Variants in STK32A observed in about 807,000 individuals in gnomAD.
The protein encoded by STK32A is serine/threonine kinase 32A.
A neutral mutation model predicts 53.2 loss-of-function variants in STK32A; 41 were observed. The observed-to-expected ratio is 0.77, with a 90% CI of 0.60 to 1.00. The LOEUF is 1.00. Ranked by LOEUF, STK32A falls within the 50% of genes least tolerant of loss-of-function variation. The pLI is 0.00. For missense variants in STK32A, 458 were observed against 485.8 expected (o/e 0.94, Z 0.54); for synonymous variants, 166 against 162.8 (o/e 1.02, Z -0.15).
intron 5 of STK32A, among the ~76,000 whole-genome samples, chr5:147,341,921 T>C (rs1755434675): frequency 6.6e-6 from 1 of 152,144 alleles, no homozygotes; most frequent in Non-Finnish European, 1.5e-5. Flanking sequence ...CTTCTTCCAA[T>C]GAAGGGAGTA....
At chr5:147,312,344 T>G (rs1394279813) in intron 4 of STK32A, among the ~76,000 whole-genome samples, 1 of 152,134 alleles carries the variant, frequency 6.6e-6, no homozygotes, top group Non-Finnish European at 1.5e-5. Flanking sequence ...TCTCAGGTGA[T>G]CCACCCACCT....
At chr5:147,237,079 G>A (rs111773879) in intron 1 of STK32A, among the ~76,000 whole-genome samples, 11,107 of 152,152 alleles carry the variant, frequency 0.073, 560 homozygotes, top group African/African-American at 0.14. Flanking sequence ...TTGGGAGGCC[G>A]AGGTGGGTGC....
intron 8 of STK32A, among the ~76,000 whole-genome samples, chr5:147,361,883 A>G (rs1183471582): frequency 3.9e-5 from 6 of 152,250 alleles, no homozygotes; most frequent in African/African-American, 1.2e-4. Flanking sequence ...GGGGAAATCA[A>G]TACACCTCAC....
At chr5:147,331,824 G>T (rs141554427) in intron 5 of STK32A, among the ~76,000 whole-genome samples, 4 of 152,268 alleles carry the variant, frequency 2.6e-5, no homozygotes, top group Non-Finnish European at 5.9e-5. Flanking sequence ...GGATTGATGT[G>T]ATGGGTCCAC....
At chr5:147,263,678 GCAAA>G (rs1294635529) in intron 2 of STK32A, among the ~76,000 whole-genome samples, 2 of 151,946 alleles carry the variant, frequency 1.3e-5, no homozygotes, top group Non-Finnish European at 1.5e-5. Flanking sequence ...AGAATAATGA[GCAAA>G]CAAAGATATA....
At chr5:147,359,960 C>T (rs754415297) in intron 7 of STK32A, among the ~76,000 whole-genome samples, 1 of 152,126 alleles carries the variant, frequency 6.6e-6, no homozygotes, top group Non-Finnish European at 1.5e-5. Context: ...CCATGTCATA[C>T]CAGTTTCCTT....
chr5:147,398,977 G>A, the STK32A span: 11 of 1,437,098 alleles, frequency 7.7e-6, no homozygotes, highest in East Asian at 6.9e-5. Context: ...ATTGCAACCC[G>A]TCCTAGTCTA....
intron 4 of STK32A, among the ~76,000 whole-genome samples, chr5:147,308,457 A>G (rs1753530479): frequency 6.6e-6 from 1 of 152,036 alleles, no homozygotes; most frequent in East Asian, 1.9e-4. Context: ...GTTTTCTTGG[A>G]TTTTCAATAT....
chr5:147,327,107 A>G (rs1312051494), intron 5 of STK32A, among the ~76,000 whole-genome samples: 2 of 152,206 alleles, frequency 1.3e-5, no homozygotes, highest in Non-Finnish European at 2.9e-5. Context: ...ATGGTGTCAA[A>G]TAGCTTTTTA....
At chr5:147,321,753 A>G (rs1270506528) in intron 4 of STK32A, among the ~76,000 whole-genome samples, 1 of 152,214 alleles carries the variant, frequency 6.6e-6, no homozygotes, top group East Asian at 1.9e-4. Context: ...TCTGAACTAC[A>G]CCTGGCAGCC....
At chr5:147,292,567 A>G (rs1364598738) in intron 4 of STK32A, among the ~76,000 whole-genome samples, 1 of 152,232 alleles carries the variant, frequency 6.6e-6, no homozygotes, top group African/African-American at 2.4e-5. Context: ...AAAAAAAGTC[A>G]TTAAAAAAAT....
chr5:147,293,640 T>C (rs1307914396), intron 4 of STK32A, among the ~76,000 whole-genome samples: 1 of 152,014 alleles, frequency 6.6e-6, no homozygotes, highest in Admixed American at 6.6e-5. Flanking sequence ...AATTCCAAGA[T>C]TTCAAAAGCA....
intron 4 of STK32A, among the ~76,000 whole-genome samples, chr5:147,318,277 A>G (rs1754113628): frequency 6.6e-6 from 1 of 152,216 alleles, no homozygotes; most frequent in Non-Finnish European, 1.5e-5. Flanking sequence ...AATGCAAAGA[A>G]AAAAAGAATA....
chr5:147,375,359 C>A, intron 11 of STK32A, 141 bp downstream of exon 11: 1 of 1,093,342 alleles, frequency 9.1e-7, no homozygotes, highest in East Asian at 2.7e-5. Flanking sequence ...AGCCGGGTTT[C>A]TAAAAGGGCA....
chr5:147,359,298 A>G (rs1056404277), intron 7 of STK32A, among the ~76,000 whole-genome samples: 72 of 152,268 alleles, frequency 4.7e-4, no homozygotes, highest in African/African-American at 1.7e-3. Flanking sequence ...TTTCTTCTTA[A>G]TGTTCCACCA....
intron 9 of STK32A, among the ~76,000 whole-genome samples, chr5:147,371,533 A>T (rs1405206563): frequency 6.6e-6 from 1 of 152,126 alleles, no homozygotes; most frequent in Non-Finnish European, 1.5e-5. Context: ...AGTGCCTCCA[A>T]TCCTAGTTCC....
chr5:147,326,297 A>C lies in STK32A; in HGVS notation c.434+2226A>C, dbSNP rs148219978. On this transcript the variant is annotated intron_variant, in intron 5 of 12. Transcript: ENST00000397936. ...CAGTTATTACTTAGTGCCCGTTCTC[A>C]GAAGGGCCTTTTTGTACTGAAATGT... 9.1e-3 allele frequency among the ~76,000 whole-genome samples: 1,384 copies of C among 152,210 alleles called. 22 individuals are homozygous for C. Among genetic ancestry groups the C allele is most frequent in the African/African-American group, 0.031 (1,301 of 41,524 alleles).
rs61655689 is a variant in STK32A at position 147,327,440 on chromosome 5, C to T, written c.434+3369C>T. 1.2e-4 allele frequency among the ~76,000 whole-genome samples: 19 copies of T among 152,196 alleles called. No homozygotes were observed. In the East Asian group the frequency reaches 2.1e-3, roughly 17 times the overall value. ...ATCAATGAAAGTACAGTAGATCTCC[C>T]GGACAAGGAGAGACCATCTGCATAA... On this transcript the variant is annotated intron_variant, in intron 5 of 12. Transcript: ENST00000397936.
At position 147,323,943 on chromosome 5, in the gene STK32A, C is replaced by T. The variant is rs1270813635; in HGVS notation, c.306C>T (p.Leu102=). The change falls in exon 5 of 13, where the codon CTC becomes CTT. Residue 102 remains leucine, a synonymous_variant. Coordinates refer to ENST00000397936, the MANE Select transcript of STK32A (RefSeq NM_001112724.2). ...DEEDMFMVVD[L]LLGGDLRYHL... ...AAGACATGTTCATGGTGGTGGACCT[C>T]CTGCTGGGTGGAGACCTGCGTTATC... The T allele has an allele frequency of 6.2e-7, 1 of 1,613,696 alleles. No homozygotes were observed. Among genetic ancestry groups the T allele is most frequent in the South Asian group, 1.1e-5 (1 of 90,938 alleles).
Sources: gnomAD v4.1 joint callset for allele counts (sites outside exome capture counted in the v4.1 genomes callset) on GRCh38, gnomAD v4.1.1 for gene constraint, MANE v1.5 for transcripts, NCBI Gene and HGNC (gene_info 2026-07-23, HGNC 2026-07-21) for gene names.